The following BMPR2 variants were observed in gnomAD, a reference collection of about 807,000 sequenced individuals.
BMPR2 encodes the protein bone morphogenetic protein receptor type-2.
A neutral mutation model predicts 100.8 loss-of-function variants in BMPR2; 29 were observed. The observed-to-expected ratio is 0.29, with a 90% CI of 0.21 to 0.39. BMPR2 has a LOEUF of 0.39. Ranked by LOEUF, BMPR2 falls within the 10% of genes least tolerant of loss-of-function variation. The pLI is 1.00. For missense variants in BMPR2, 1,011 were observed against 1,274.5 expected (o/e 0.79, Z 3.15); for synonymous variants, 382 against 442.3 (o/e 0.86, Z 1.71).
In BMPR2 at chr2:202,424,959, AT is replaced by A. The variant is rs958893824; in HGVS notation, c.77-39838del. Among the ~76,000 whole-genome samples, 238 of 145,284 alleles carry A rather than the reference AT, an allele frequency of 1.6e-3. 3 individuals carry two copies. Among genetic ancestry groups the A allele is most frequent in the Middle Eastern group, 3.6e-3 (1 of 280 alleles). ...ATTTTAAGAGATTAATTGAGCAAACATTTTTTTTTTTTCCCCAGAGATGGAG... is the reference window on the plus strand; with the variant it reads ...ATTTTAAGAGATTAATTGAGCAAACATTTTTTTTTTTCCCCAGAGATGGAG... On this transcript the variant is annotated intron_variant, in intron 1 of 12. Coordinates refer to ENST00000374580, the MANE Select transcript of BMPR2 (RefSeq NM_001204.7).
At chr2:202,422,805 T>C (rs1379792664) in intron 1 of BMPR2, among the ~76,000 whole-genome samples, 1 of 152,100 alleles carries the variant, frequency 6.6e-6, no homozygotes, top group Non-Finnish European at 1.5e-5. Flanking sequence ...GCCTCCTGAA[T>C]AGCTGGGATT....
intron 10 of BMPR2, among the ~76,000 whole-genome samples, chr2:202,545,627 G>A (rs929944110): frequency 6.6e-6 from 1 of 152,096 alleles, no homozygotes; most frequent in African/African-American, 2.4e-5. Context: ...TCAGAGACAG[G>A]GTAGAGACAC....
At chr2:202,421,967 G>A (rs1304085817) in intron 1 of BMPR2, among the ~76,000 whole-genome samples, 1 of 152,178 alleles carries the variant, frequency 6.6e-6, no homozygotes, top group Non-Finnish European at 1.5e-5. Flanking sequence ...GGAGTGCAGT[G>A]GTGCGATCTC....
At chr2:202,440,345 C>T (rs1432546971) in intron 1 of BMPR2, among the ~76,000 whole-genome samples, 1 of 145,476 alleles carries the variant, frequency 6.9e-6, no homozygotes, top group South Asian at 2.2e-4. Flanking sequence ...CGGCCGGGCA[C>T]AGGCGCTCCT....
At chr2:202,457,553 TATATATATAGAGAGAG>T (rs1377811057) in intron 1 of BMPR2, among the ~76,000 whole-genome samples, 214 of 97,766 alleles carry the variant, frequency 2.2e-3, no homozygotes, top group African/African-American at 7.4e-3. Context: ...TATATATATA[TATATATATAGAGAGAG>T]AGAGAGAGAG....
intron 3 of BMPR2, among the ~76,000 whole-genome samples, chr2:202,472,849 C>T (rs192503650): frequency 1.3e-4 from 20 of 152,144 alleles, no homozygotes; most frequent in Non-Finnish European, 7.4e-5. Context: ...TTAAGTAAAG[C>T]GCTCTAATTT....
intron 1 of BMPR2, among the ~76,000 whole-genome samples, chr2:202,439,793 G>A (rs563407021): frequency 2.7e-5 from 4 of 147,636 alleles, no homozygotes; most frequent in South Asian, 2.1e-4. Flanking sequence ...GGTGTTTCTC[G>A]GAGAGGGGGA....
At chr2:202,434,908 A>AAAAAAAAAAAAAACTATATATAT (rs1559037398) in intron 1 of BMPR2, among the ~76,000 whole-genome samples, 1 of 38,414 alleles carries the variant, frequency 2.6e-5, no homozygotes, top group African/African-American at 1.1e-4. Flanking sequence ...AAAAAAAAAA[A>AAAAAAAAAAAAAACTATATATAT]ATATATATAT....
intron 1 of BMPR2, among the ~76,000 whole-genome samples, chr2:202,413,723 A>G (rs1405342986): frequency 3.3e-5 from 5 of 151,288 alleles, no homozygotes; most frequent in Non-Finnish European, 7.4e-5. Context: ...GGAGTACAGT[A>G]GTGTTATTTT....
intron 1 of BMPR2, among the ~76,000 whole-genome samples, chr2:202,440,659 C>T: frequency 1.3e-5 from 2 of 150,540 alleles, no homozygotes; most frequent in Non-Finnish European, 2.9e-5. Flanking sequence ...GATCACGCCA[C>T]TGCACTCCAG....
chr2:202,468,382 G>T (rs1162217247), intron 3 of BMPR2, among the ~76,000 whole-genome samples: 2 of 152,146 alleles, frequency 1.3e-5, no homozygotes, highest in East Asian at 3.8e-4. Flanking sequence ...GGAGGCTGAG[G>T]TTGGAGATTT....
chr2:202,383,442 AG>A (rs1559020328), intron 1 of BMPR2, among the ~76,000 whole-genome samples: 2 of 152,202 alleles, frequency 1.3e-5, no homozygotes, highest in Non-Finnish European at 2.9e-5. Flanking sequence ...GCACTTTGGG[AG>A]GCCAAGGTGG....
chr2:202,471,990 G>T (rs932359019), intron 3 of BMPR2, among the ~76,000 whole-genome samples: 17 of 151,892 alleles, frequency 1.1e-4, no homozygotes, highest in African/African-American at 4.1e-4. Flanking sequence ...AGGTGAATAG[G>T]TAAATCTGGG....
rs1377772134 is a variant in BMPR2 at position 202,380,320 on chromosome 2, C to T, written c.76+2770C>T. ...CTTCTGTAATGCGTTTTAAATAATT[C>T]ACTTGATTAGATTGCAATTTTACAT... On this transcript the variant is annotated intron_variant, in intron 1 of 12. Transcript: ENST00000374580. 2.6e-5 allele frequency among the ~76,000 whole-genome samples: 4 copies of T among 152,016 alleles called. No individual in the cohort carries two copies. In the East Asian group the frequency reaches 7.7e-4, roughly 29 times the overall value.
intron 1 of BMPR2, among the ~76,000 whole-genome samples, chr2:202,387,167 A>G (rs966808754): frequency 9.2e-5 from 14 of 152,188 alleles, no homozygotes; most frequent in African/African-American, 2.9e-4. Flanking sequence ...TTTACAAACT[A>G]GGAAAGATTC....
chr2:202,482,372 C>T (rs1375581199), intron 3 of BMPR2, among the ~76,000 whole-genome samples: 1 of 152,026 alleles, frequency 6.6e-6, no homozygotes, highest in Admixed American at 6.6e-5. Flanking sequence ...GATAAAAATG[C>T]TATTTTTAAT....
chr2:202,522,181 AAAAG>A (rs1339722251), intron 7 of BMPR2, among the ~76,000 whole-genome samples: 2 of 150,808 alleles, frequency 1.3e-5, no homozygotes, highest in African/African-American at 2.4e-5. Flanking sequence ...AAACGAAAGA[AAAAG>A]AACTTCAAGA....
intron 1 of BMPR2, among the ~76,000 whole-genome samples, chr2:202,393,397 A>C (rs909178316): frequency 6.6e-6 from 1 of 152,148 alleles, no homozygotes; most frequent in Non-Finnish European, 1.5e-5. Context: ...GCTTTGATCT[A>C]TACTGGAGTA....
chr2:202,448,924 GGTGTGTGTGT>G lies in BMPR2; in HGVS notation c.77-15856_77-15847del, dbSNP rs55680029. On this transcript the variant is annotated intron_variant, in intron 1 of 12. Transcript: ENST00000374580. ...TGGATTATTTTGTCAGTTTAGAATT[GGTGTGTGTGT>G]GTGTGTGTGTGTGTGTGTGTGTGTG... Among the ~76,000 whole-genome samples, 398 of 142,924 alleles carry G rather than the reference GGTGTGTGTGT, an allele frequency of 2.8e-3. 1 individual carries two copies. Among genetic ancestry groups the G allele is most frequent in the South Asian group, 0.01 (44 of 4,312 alleles). The allele number at this position is 142,924 out of a possible 152,430, so 93.8% of individuals were successfully genotyped here. A position where few individuals can be genotyped will look rare whatever the true frequency, so the allele number is the denominator to read the frequency against.
Sources: allele counts gnomAD v4.1 joint callset (sites outside exome capture counted in the v4.1 genomes callset), GRCh38; gene constraint gnomAD v4.1.1; transcripts MANE v1.5; gene names NCBI Gene and HGNC (gene_info 2026-07-23, HGNC 2026-07-21).